Variants in RBFOX1 observed in about 807,000 individuals in gnomAD.
RBFOX1 encodes the protein RNA binding fox-1 homolog 1.
RBFOX1 carries 8 observed loss-of-function variants against 57.7 expected under a neutral mutation model. That is an observed-to-expected ratio of 0.14 (90% confidence interval 0.08 to 0.25). RBFOX1 has a LOEUF of 0.25. Among genes scored for constraint, RBFOX1 ranks in the 10% least tolerant of loss-of-function variants. The pLI, the probability that RBFOX1 is intolerant of heterozygous loss-of-function variation, is 1.00. For missense variants in RBFOX1, 611 were observed against 548.5 expected (o/e 1.11, Z -1.14); for synonymous variants, 326 against 222.4 (o/e 1.47, Z -4.15).
intron 3 of RBFOX1, among the ~76,000 whole-genome samples, chr16:6,852,326 C>T (rs926272060): frequency 3.3e-5 from 5 of 152,132 alleles, no homozygotes; most frequent in African/African-American, 7.2e-5. Flanking sequence ...CTTGAGGTTG[C>T]GTGTAGGGCC....
chr16:6,748,301 A>T (rs1184437570), intron 3 of RBFOX1, among the ~76,000 whole-genome samples: 2 of 152,072 alleles, frequency 1.3e-5, no homozygotes, highest in African/African-American at 2.4e-5. Context: ...ACACGCAAAT[A>T]CATACACACA....
chr16:6,498,506 A>C (rs1007439654), intron 2 of RBFOX1, among the ~76,000 whole-genome samples: 2 of 152,150 alleles, frequency 1.3e-5, no homozygotes, highest in African/African-American at 2.4e-5. Flanking sequence ...TGGTTCAGCA[A>C]TCAGGCCCTT....
chr16:5,404,089 TG>T (rs2066795270), intron 1 of RBFOX1, among the ~76,000 whole-genome samples: 1 of 29,842 alleles, frequency 3.4e-5, no homozygotes, highest in Non-Finnish European at 5.7e-5. Flanking sequence ...GGGGTGGGGG[TG>T]GGCAGTGAGG....
intron 2 of RBFOX1, among the ~76,000 whole-genome samples, chr16:6,562,363 A>G (rs565242129): frequency 6.6e-6 from 1 of 152,366 alleles, no homozygotes; most frequent in South Asian, 2.1e-4. Flanking sequence ...CTTGTGAGTG[A>G]AATAGTATCC....
intron 4 of RBFOX1, among the ~76,000 whole-genome samples, chr16:7,068,596 A>G (rs1026180079): frequency 1.3e-5 from 2 of 151,994 alleles, no homozygotes; most frequent in African/African-American, 4.8e-5. Context: ...ATTATTATTT[A>G]TTATTTTGAG....
chr16:6,476,326 G>A (rs2095271403), intron 2 of RBFOX1, among the ~76,000 whole-genome samples: 2 of 152,204 alleles, frequency 1.3e-5, no homozygotes, highest in African/African-American at 4.8e-5. Context: ...TACACATCTT[G>A]TACACTTAAA....
intron 4 of RBFOX1, among the ~76,000 whole-genome samples, chr16:7,129,156 G>T (rs1361520253): frequency 6.6e-6 from 1 of 152,088 alleles, no homozygotes; most frequent in Non-Finnish European, 1.5e-5. Flanking sequence ...TAGATTTTTA[G>T]CAGGATTCAA....
At chr16:6,971,961 A>G (rs1439652586) in intron 3 of RBFOX1, among the ~76,000 whole-genome samples, 2 of 152,146 alleles carry the variant, frequency 1.3e-5, no homozygotes, top group Non-Finnish European at 2.9e-5. Context: ...GTGAATGAGC[A>G]TGGAGTCCGT....
chr16:5,695,460 A>G (rs2050818163), intron 3 of RBFOX1, among the ~76,000 whole-genome samples: 1 of 152,234 alleles, frequency 6.6e-6, no homozygotes, highest in African/African-American at 2.4e-5. Context: ...TAATGAAGCT[A>G]GGCAATCAGG....
intron 3 of RBFOX1, among the ~76,000 whole-genome samples, chr16:5,858,199 G>A (rs1597518297): frequency 6.6e-6 from 1 of 152,084 alleles, no homozygotes; most frequent in Non-Finnish European, 1.5e-5. Flanking sequence ...AGGAAACTTA[G>A]ATGGTGACAC....
rs796251029 is a variant in RBFOX1 at position 6,205,863 on chromosome 16, C to T, written c.-126-111132C>T. On this transcript the variant is annotated intron_variant, in intron 1 of 15. Coordinates refer to ENST00000550418, the MANE Select transcript of RBFOX1 (RefSeq NM_018723.4). ...TTGAACAAGAGCCTACGAGATCATA[C>T]TTTTTTTTTTTTTTTTTTGGCTATG... Among the ~76,000 whole-genome samples the T allele has an allele frequency of 3.2e-3, 317 of 97,880 alleles. 2 individuals carry two copies. The highest frequency in any genetic ancestry group is 0.012 in the African/African-American group (286 of 23,054). The allele number at this position is 97,880 out of a possible 152,430, so 64.2% of individuals were successfully genotyped here. A position where few individuals can be genotyped will look rare whatever the true frequency, so the allele number is the denominator to read the frequency against.
At chr16:7,511,975 C>T (rs943333366) in intron 4 of RBFOX1, among the ~76,000 whole-genome samples, 4 of 152,164 alleles carry the variant, frequency 2.6e-5, no homozygotes, top group African/African-American at 9.7e-5. Context: ...TGCAAAAGCT[C>T]CTGAAGCATT....
chr16:6,335,784 A>G (rs368745515), intron 2 of RBFOX1, among the ~76,000 whole-genome samples: 3 of 149,748 alleles, frequency 2.0e-5, no homozygotes, highest in African/African-American at 2.5e-5. Context: ...TCCAAAAAAA[A>G]AAAAAAGAAA....
At chr16:5,590,599 G>A (rs1453195103) in intron 2 of RBFOX1, among the ~76,000 whole-genome samples, 5 of 152,124 alleles carry the variant, frequency 3.3e-5, no homozygotes, top group Admixed American at 6.6e-5. Flanking sequence ...TGGTGGTAGC[G>A]GACTGTCTGC....
intron 4 of RBFOX1, among the ~76,000 whole-genome samples, chr16:5,901,961 C>T (rs1016772563): frequency 6.6e-6 from 1 of 152,198 alleles, no homozygotes; most frequent in Admixed American, 6.5e-5. Context: ...TACGTCTAAA[C>T]TCTCATAGCC....
chr16:7,488,024 A>C (rs1567453065), intron 4 of RBFOX1, among the ~76,000 whole-genome samples: 1 of 152,078 alleles, frequency 6.6e-6, no homozygotes, highest in Non-Finnish European at 1.5e-5. Context: ...CTTGTGAATG[A>C]AGGGGGCACC....
chr16:6,574,587 C>CCTG (rs2097397982), intron 2 of RBFOX1, among the ~76,000 whole-genome samples: 1 of 150,436 alleles, frequency 6.6e-6, no homozygotes. Context: ...CGCCACCAAG[C>CCTG]CCAGCTAATT....
chr16:7,586,586 C>T (rs1177237592), intron 6 of RBFOX1, among the ~76,000 whole-genome samples: 1 of 152,174 alleles, frequency 6.6e-6, no homozygotes, highest in Non-Finnish European at 1.5e-5. Flanking sequence ...TTATTTGTCT[C>T]TATTTATAAT....
At chr16:7,505,421 A>G (rs530898631) in intron 4 of RBFOX1, among the ~76,000 whole-genome samples, 1 of 152,168 alleles carries the variant, frequency 6.6e-6, no homozygotes, top group African/African-American at 2.4e-5. Context: ...TAAGTGCTTG[A>G]TGCCGTTGGT....
Sources: allele counts gnomAD v4.1 joint callset (sites outside exome capture counted in the v4.1 genomes callset), GRCh38; gene constraint gnomAD v4.1.1; transcripts MANE v1.5; gene names NCBI Gene and HGNC (gene_info 2026-07-23, HGNC 2026-07-21).